SOD2: variants seen among roughly 807,000 people sequenced by gnomAD.
The protein encoded by SOD2 is superoxide dismutase 2.
A neutral mutation model predicts 27.0 loss-of-function variants in SOD2; 11 were observed. The ratio of observed to expected loss-of-function variants is 0.41; its 90% CI spans 0.26 to 0.67. SOD2 has a LOEUF of 0.67. Ranked by LOEUF, SOD2 falls within the 30% of genes least tolerant of loss-of-function variation. The pLI, the probability that SOD2 is intolerant of heterozygous loss-of-function variation, is 0.34. For missense variants in SOD2, 250 were observed against 274.5 expected (o/e 0.91, Z 0.63); for synonymous variants, 105 against 103.0 (o/e 1.02, Z -0.12).
At chr6:159,753,404 AG>A (rs1213528795) in intron 1 of SOD2, 2 of 1,612,200 alleles carry the variant, frequency 1.2e-6, no homozygotes, top group African/African-American at 1.3e-5. Context: ...AATAATTGTA[AG>A]CAAAGACAGA....
exon 1 of SOD2, chr6:159,761,763 G>C (rs1583119180): frequency 9.8e-6 from 3 of 307,204 alleles, no homozygotes; most frequent in East Asian, 1.0e-4. Context: ...AGAAACACTG[G>C]GGTTTCAGGC....
intron 1 of SOD2, chr6:159,741,906 C>T (rs532791277): frequency 6.4e-5 from 31 of 486,516 alleles, no homozygotes; most frequent in South Asian, 5.0e-4. Flanking sequence ...ACCCTGTTTG[C>T]GCCACGCTGC....
exon 1 of SOD2, chr6:159,761,939 T>G (rs1780141425): frequency 1.5e-5 from 14 of 913,654 alleles, no homozygotes; most frequent in Non-Finnish European, 2.4e-5. Flanking sequence ...CTGCGCACAG[T>G]GGGATGCGCG....
exon 1 of SOD2, chr6:159,762,148 T>C (rs1444162993): frequency 6.2e-7 from 1 of 1,608,840 alleles, no homozygotes; most frequent in East Asian, 2.2e-5. Context: ...CATAGGTGAG[T>C]GGCCGGCGGG....
upstream of SOD2, chr6:159,727,771 C>T (rs1778288669): frequency 3.1e-6 from 3 of 972,140 alleles, no homozygotes; most frequent in South Asian, 1.4e-4. Context: ...GATGCGCAGC[C>T]GCCCCCGGCG....
rs931783942 is a variant in SOD2 at position 159,674,968 on chromosome 6, G to C, written c.*7525C>G. On this transcript the variant is annotated 3_prime_UTR_variant, in exon 5 of 5. Coordinates refer to ENST00000538183, the MANE Select transcript of SOD2 (RefSeq NM_000636.4). ...TACACCAACAACAGACAAACAGAGA[G>C]CCAAATCATGAGTGAACTCCCATTC... The C allele has an allele frequency of 6.6e-6, 1 of 152,112 alleles. No individual in the cohort carries two copies. The highest frequency in any genetic ancestry group is 1.5e-5 in the Non-Finnish European group (1 of 68,030). 9.4% of individuals were successfully genotyped at this position (152,112 alleles called of 1,614,324 possible).
rs138020925 is a variant in SOD2, at chr6:159,716,300, G to A, written c.-116+10829C>T. Among the ~76,000 whole-genome samples the A allele has an allele frequency of 6.4e-3, 971 of 152,288 alleles. 11 individuals are homozygous for A. The highest frequency in any genetic ancestry group is 0.023 in the African/African-American group (937 of 41,558). ...CTTGGTGAGTCTGGAAGATTAACAA[G>A]GTCATCCCGGACCCAGGGACTTTCC... On this transcript the variant is annotated intron_variant, in intron 1 of 2. Coordinates refer to the SOD2 transcript ENST00000401980.
At chr6:159,683,308 A>G (rs999977398) in intron 4 of SOD2, among the ~76,000 whole-genome samples, 1 of 151,578 alleles carries the variant, frequency 6.6e-6, no homozygotes, top group Non-Finnish European at 1.5e-5. Context: ...ACATGGTGAA[A>G]CCCCGCCTCT....
At chr6:159,733,225 T>A (rs1460552476) in intron 1 of SOD2, among the ~76,000 whole-genome samples, 2 of 152,186 alleles carry the variant, frequency 1.3e-5, no homozygotes, top group East Asian at 3.9e-4. Context: ...TATGTCTTCA[T>A]AGGACAGAGT....
chr6:159,713,336 CTA>C (rs1249399754), intron 1 of SOD2: 3 of 658,172 alleles, frequency 4.6e-6, no homozygotes, highest in Admixed American at 2.5e-5. Flanking sequence ...TCTGCCAATG[CTA>C]TTACACCTCA....
intron 1 of SOD2, among the ~76,000 whole-genome samples, chr6:159,757,421 T>C (rs893533819): frequency 5.4e-5 from 8 of 147,208 alleles, no homozygotes; most frequent in African/African-American, 2.0e-4. Context: ...CTTTTTCTCT[T>C]TTTTTTTTTT....
chr6:159,745,765 G>A (rs760739099), upstream of SOD2, among the ~76,000 whole-genome samples: 2 of 152,106 alleles, frequency 1.3e-5, no homozygotes, highest in African/African-American at 2.4e-5. Context: ...GATTTGAGAG[G>A]AACAGGACTT....
chr6:159,728,651 A>G (rs892928628), upstream of SOD2, among the ~76,000 whole-genome samples: 2 of 152,248 alleles, frequency 1.3e-5, no homozygotes, highest in Non-Finnish European at 2.9e-5. Context: ...TTAAAACCGT[A>G]ATTTAAAACT....
rs1779957533 is a variant in SOD2, at chr6:159,681,361, TACTTTTCAGAA to T, written c.*1121_*1131del. ...ACATCCTTAACACGTGCCCCTGAGC[TACTTTTCAGAA>T]ACCCAGACCCCCACCAAATGGATTC... On this transcript the variant is annotated 3_prime_UTR_variant, in exon 5 of 5. Coordinates refer to ENST00000538183, the MANE Select transcript of SOD2 (RefSeq NM_000636.4). The T allele has an allele frequency of 6.6e-6, 1 of 152,162 alleles. No individual in the cohort carries two copies. Among genetic ancestry groups the T allele is most frequent in the African/African-American group, 2.4e-5 (1 of 41,402 alleles). 9.4% of individuals were successfully genotyped at this position (152,162 alleles called of 1,614,324 possible).
exon 1 of SOD2, chr6:159,727,185 G>A (rs974741893): frequency 1.6e-6 from 2 of 1,224,358 alleles, no homozygotes; most frequent in Non-Finnish European, 2.1e-6. Flanking sequence ...GGGAAAGGAC[G>A]GGGAGTGTTA....
chr6:159,753,257 TAGGG>T, intron 1 of SOD2: 1 of 662,168 alleles, frequency 1.5e-6, no homozygotes, highest in Non-Finnish European at 2.5e-6. Context: ...ACTTTTTGTT[TAGGG>T]TTTATTTTTA....
upstream of SOD2, among the ~76,000 whole-genome samples, chr6:159,693,659 G>C (rs1366659510): frequency 3.3e-5 from 5 of 152,200 alleles, no homozygotes; most frequent in Admixed American, 3.3e-4. Context: ...CGCTGCCGGG[G>C]GGCCGCGGGG....
At chr6:159,710,739 A>C (rs114284743) in intron 1 of SOD2, among the ~76,000 whole-genome samples, 2 of 145,170 alleles carry the variant, frequency 1.4e-5, no homozygotes, top group Non-Finnish European at 3.1e-5. Flanking sequence ...TGCTCTGACC[A>C]CCATAACCAC....
At chr6:159,711,972 T>C (rs368809837) in intron 1 of SOD2, among the ~76,000 whole-genome samples, 9,494 of 81,640 alleles carry the variant, frequency 0.12, 22 homozygotes, top group South Asian at 0.2. Context: ...ACCACCTCCA[T>C]AACCACCACT....
Sources: allele counts gnomAD v4.1 joint callset (sites outside exome capture counted in the v4.1 genomes callset), GRCh38; gene constraint gnomAD v4.1.1; transcripts MANE v1.5; gene names NCBI Gene and HGNC (gene_info 2026-07-23, HGNC 2026-07-21).